The following CHMP3 variants were observed in gnomAD, a reference collection of about 807,000 sequenced individuals.
The protein encoded by CHMP3 is 25.1 protein.
CHMP3 carries 8 observed loss-of-function variants against 27.4 expected under a neutral mutation model. The observed-to-expected ratio is 0.29, with a 90% CI of 0.17 to 0.53. The LOEUF (loss-of-function observed/expected upper bound fraction) is 0.53, where lower values mean the gene tolerates loss of function less well. Ranked by LOEUF, CHMP3 falls within the 20% of genes least tolerant of loss-of-function variation. The pLI is 0.96. For synonymous variants in CHMP3, 86 were observed against 85.5 expected, an observed-to-expected ratio of 1.01 and a Z score of -0.03; for missense variants, 208 against 271.5, an observed-to-expected ratio of 0.77 and a Z score of 1.64.
intron 5 of CHMP3, 37 bp downstream of exon 5, chr2:86,507,442 A>G: frequency 6.3e-7 from 1 of 1,584,726 alleles, no homozygotes; most frequent in Non-Finnish European, 8.7e-7. Context: ...GAATGGCCAT[A>G]AAAAGAGAGG....
intron 3 of CHMP3, among the ~76,000 whole-genome samples, chr2:86,515,500 T>C (rs1030914842): frequency 7.9e-5 from 12 of 152,112 alleles, no homozygotes; most frequent in African/African-American, 2.9e-4. Flanking sequence ...TTTGTATTTC[T>C]AGTAGAAGTG....
At chr2:86,554,722 C>T (rs1258192787) in intron 1 of CHMP3, among the ~76,000 whole-genome samples, 4 of 151,986 alleles carry the variant, frequency 2.6e-5, no homozygotes, top group African/African-American at 9.7e-5. Context: ...CTCACAAATA[C>T]ACAAGCATAC....
intron 4 of CHMP3, among the ~76,000 whole-genome samples, chr2:86,509,470 G>A (rs1156762330): frequency 3.9e-5 from 6 of 152,066 alleles, no homozygotes; most frequent in African/African-American, 1.4e-4. Context: ...CCTAAACCCT[G>A]TACATAATTC....
intron 1 of CHMP3, among the ~76,000 whole-genome samples, chr2:86,548,783 G>A (rs1377458659): frequency 3.3e-5 from 5 of 151,906 alleles, no homozygotes; most frequent in Non-Finnish European, 7.4e-5. Context: ...CAGCCGGGCA[G>A]AGGTGCTCCT....
In CHMP3 at chr2:86,505,690, C is replaced by T. The variant is rs964041979; in HGVS notation, c.*114G>A. ...AACCTGGGCAGAGAATGAAAAGAGA[C>T]AAACAGAACCTTCTCCAAAATGGTA... On this transcript the variant is annotated 3_prime_UTR_variant, in exon 6 of 6. Transcript: ENST00000263856. 2.3e-6 allele frequency: 3 copies of T among 1,304,838 alleles called. No individual in the cohort carries two copies. The highest frequency in any genetic ancestry group is 3.0e-6 in the Non-Finnish European group (3 of 1,016,652). The allele number at this position is 1,304,838 out of a possible 1,614,324, so 80.8% of individuals were successfully genotyped here. A position where few individuals can be genotyped will look rare whatever the true frequency, so the allele number is the denominator to read the frequency against.
Position 86,555,324 on chromosome 2 carries a change from G to A in CHMP3, c.45+7980C>T, listed in dbSNP as rs143965701. 7.7e-4 allele frequency among the ~76,000 whole-genome samples: 117 copies of A among 152,156 alleles called. 2 individuals are homozygous for A. Among genetic ancestry groups the A allele is most frequent in the African/African-American group, 2.8e-3 (116 of 41,490 alleles). Reference sequence around the variant, plus strand: ...AGTGACTGTCACTCTGTGTGCTGACGTAAGAAAATGCAATAAAGAGAGTAA... The same window carrying A: ...AGTGACTGTCACTCTGTGTGCTGACATAAGAAAATGCAATAAAGAGAGTAA... On this transcript the variant is annotated intron_variant, in intron 1 of 5. Transcript: ENST00000263856.
chr2:86,515,258 A>T (rs1017791762), intron 3 of CHMP3: 1 of 152,062 alleles, frequency 6.6e-6, no homozygotes, highest in Non-Finnish European at 1.5e-5. Context: ...GGCCACATTA[A>T]TCTTCTCAGT....
intron 1 of CHMP3, among the ~76,000 whole-genome samples, chr2:86,545,503 C>T (rs535047835): frequency 3.0e-5 from 2 of 67,162 alleles, no homozygotes; most frequent in Non-Finnish European, 3.1e-5. Flanking sequence ...CCAGATGGGG[C>T]GACTGCCGGG....
At chr2:86,528,739 T>C (rs1027169262) in intron 3 of CHMP3, among the ~76,000 whole-genome samples, 2 of 152,212 alleles carry the variant, frequency 1.3e-5, no homozygotes, top group Non-Finnish European at 2.9e-5. Flanking sequence ...AGAGTTCACA[T>C]GTATGCTGAA....
At chr2:86,541,484 G>T (rs1676357339) in intron 2 of CHMP3, 1 of 152,018 alleles carries the variant, frequency 6.6e-6, no homozygotes, top group Non-Finnish European at 1.5e-5. Context: ...AAACCACTAT[G>T]CTCTGCTTGG....
At chr2:86,548,365 G>T (rs77468315) in intron 1 of CHMP3, among the ~76,000 whole-genome samples, 2 of 152,076 alleles carry the variant, frequency 1.3e-5, no homozygotes, top group African/African-American at 2.4e-5. Context: ...CCCTGGGTAC[G>T]TGAGATTAGG....
intron 5 of CHMP3, 104 bp downstream of exon 5, chr2:86,507,375 T>C (rs1038595134): frequency 9.9e-6 from 9 of 907,122 alleles, no homozygotes; most frequent in African/African-American, 8.3e-5. Flanking sequence ...GTTAAAAATG[T>C]AGAAGGGAGT....
intron 4 of CHMP3, among the ~76,000 whole-genome samples, chr2:86,508,723 T>C (rs1023783178): frequency 2.6e-5 from 4 of 152,196 alleles, no homozygotes; most frequent in Admixed American, 6.5e-5. Flanking sequence ...AGCAACCCTC[T>C]ATCCTGCCTG....
chr2:86,543,620 T>A (rs1676445840), intron 1 of CHMP3, among the ~76,000 whole-genome samples: 1 of 152,236 alleles, frequency 6.6e-6, no homozygotes, highest in Admixed American at 6.5e-5. Flanking sequence ...TAATCCTCCT[T>A]TTCCCTTTAA....
intron 3 of CHMP3, 45 bp from the exon 4 acceptor site, chr2:86,510,524 TAGAG>T (rs755646968): frequency 1.3e-5 from 21 of 1,598,474 alleles, no homozygotes; most frequent in Admixed American, 8.4e-5. Context: ...CAGGATGGAA[TAGAG>T]AGAGACAGCC....
chr2:86,532,933 T>C (rs1390488378), intron 2 of CHMP3, among the ~76,000 whole-genome samples: 1 of 152,258 alleles, frequency 6.6e-6, no homozygotes, highest in Admixed American at 6.5e-5. Context: ...AGGACAATAC[T>C]GGCAACATAG....
chr2:86,507,973 G>C (rs3821013), intron 4 of CHMP3, among the ~76,000 whole-genome samples: 2,790 of 152,264 alleles, frequency 0.018, 49 homozygotes, highest in East Asian at 0.054. Context: ...GTGAACGCAG[G>C]GGTTGGAATA....
rs1674859622 is a variant in CHMP3 at position 86,505,647 on chromosome 2, A to C, written c.*157T>G. The C allele has an allele frequency of 2.0e-6, 2 of 990,156 alleles. No individual in the cohort carries two copies. Among genetic ancestry groups the C allele is most frequent in the Non-Finnish European group, 2.7e-6 (2 of 732,694 alleles). The allele number at this position is 990,156 out of a possible 1,614,324, so 61.3% of individuals were successfully genotyped here. A position where few individuals can be genotyped will look rare whatever the true frequency, so the allele number is the denominator to read the frequency against. On this transcript the variant is annotated 3_prime_UTR_variant, in exon 6 of 6. Transcript: ENST00000263856. ...TATTTATGCCACTTTTATAAGAACA[A>C]TCCCTTTGCGATCCCAAAACCTGGG... is the stretch of plus-strand genomic sequence containing the variant.
chr2:86,529,653 A>T (rs77970551), intron 2 of CHMP3, among the ~76,000 whole-genome samples: 198 of 152,308 alleles, frequency 1.3e-3, no homozygotes, highest in Admixed American at 4.3e-3. Flanking sequence ...AAGAATTTTT[A>T]AAAAATTACT....
Sources: allele counts gnomAD v4.1 joint callset (sites outside exome capture counted in the v4.1 genomes callset), GRCh38; gene constraint gnomAD v4.1.1; transcripts MANE v1.5; gene names NCBI Gene and HGNC (gene_info 2026-07-23, HGNC 2026-07-21).